The following KIF7 variants were observed in gnomAD, a reference collection of about 807,000 sequenced individuals.
The protein encoded by KIF7 is kinesin-like protein KIF7.
A neutral mutation model predicts 135.7 loss-of-function variants in KIF7; 104 were observed. That is an observed-to-expected ratio of 0.77 (90% confidence interval 0.65 to 0.90). KIF7 has a LOEUF of 0.90. KIF7 is among the 40% of genes least tolerant of loss of function. KIF7 has a pLI of 0.00. For synonymous variants in KIF7, 883 were observed against 809.4 expected, an observed-to-expected ratio of 1.09 and a Z score of -1.54; for missense variants, 2,005 against 1,839.1, an observed-to-expected ratio of 1.09 and a Z score of -1.65.
intron 1 of KIF7, among the ~76,000 whole-genome samples, chr15:89,653,394 G>A (rs879722630): frequency 6.6e-6 from 1 of 152,100 alleles, no homozygotes; most frequent in Non-Finnish European, 1.5e-5. Context: ...GATCCTTCAA[G>A]ACCAAGCTCT....
chr15:89,618,721 G>A (rs976021744), intron 1 of KIF7, among the ~76,000 whole-genome samples: 3 of 152,222 alleles, frequency 2.0e-5, no homozygotes, highest in Admixed American at 6.5e-5. Flanking sequence ...AGCACTTTGG[G>A]AAGCCAAGTG....
chr15:89,642,363 A>C lies in KIF7; in HGVS notation c.2234T>G (p.Ile745Ser). 6.2e-7 allele frequency: 1 copy of C among 1,609,718 alleles called. No homozygotes were observed. Among genetic ancestry groups the C allele is most frequent in the Non-Finnish European group, 8.5e-7 (1 of 1,178,772 alleles). ...QALNRQHSQR[I>S]RELEQEAEQV... ...CTCTGCCTCCTGCTCCAGCTCCCGG[A>C]TACGCTGGCTGTGCTGGCGGTTCAG... The change falls in exon 11 of 19, where the codon ATC (isoleucine) becomes AGC (serine). Residue 745 changes from isoleucine (I) to serine (S), a missense_variant. By Grantham distance (142) the Ile-to-Ser change is moderately radical. Coordinates refer to ENST00000394412, the MANE Select transcript of KIF7 (RefSeq NM_198525.3).
At position 89,631,506 on chromosome 15, in the gene KIF7, G is replaced by T; in HGVS notation, c.3100C>A (p.Leu1034Met). ...GGGCCGCAGGGTACCTCGGGGGACA[G>T]CAGACTCCCCTGCCTCAGCTTGCCG... ...IDGKLRQGSLLSPEEERTLFQ... is the reference protein window; with the variant it reads ...IDGKLRQGSLMSPEEERTLFQ... The change falls in exon 15 of 19, where the codon CTG (leucine) becomes ATG (methionine). Residue 1034 changes from leucine (L) to methionine (M), a missense_variant. Transcript: ENST00000394412. 1 of 1,575,790 alleles carries T rather than the reference G, an allele frequency of 6.3e-7. No individual in the cohort carries two copies. Among genetic ancestry groups the T allele is most frequent in the Non-Finnish European group, 8.6e-7 (1 of 1,160,540 alleles).
At chr15:89,630,838 G>A (rs116954620) in intron 15 of KIF7, 7 of 417,248 alleles carry the variant, frequency 1.7e-5, no homozygotes, top group Non-Finnish European at 2.3e-5. Flanking sequence ...ATGGGGATAC[G>A]TTCTAAGAAA....
chr15:89,649,410 A>C, intron 3 of KIF7, 43 bp from the exon 4 acceptor site: 2 of 1,443,632 alleles, frequency 1.4e-6, no homozygotes, highest in Non-Finnish European at 1.8e-6. Context: ...AGGGGCCGCC[A>C]GACTGACCAG....
intron 15 of KIF7, among the ~76,000 whole-genome samples, chr15:89,631,220 C>T (rs1032379306): frequency 6.6e-6 from 1 of 152,216 alleles, no homozygotes; most frequent in South Asian, 2.1e-4. Flanking sequence ...TGGGCAGGTA[C>T]TCGAATGCAG....
At chr15:89,635,793 C>T (rs1327898943) in intron 11 of KIF7, among the ~76,000 whole-genome samples, 2 of 152,162 alleles carry the variant, frequency 1.3e-5, no homozygotes, top group Non-Finnish European at 2.9e-5. Flanking sequence ...TCTAGCAAGG[C>T]AGGCCAACAT....
chr15:89,648,594 C>A lies in KIF7; in HGVS notation c.1104G>T (p.Thr368=). The A allele has an allele frequency of 1.9e-5, 29 of 1,526,604 alleles. No individual in the cohort carries two copies. Among genetic ancestry groups the A allele is most frequent in the Non-Finnish European group, 2.5e-5 (29 of 1,141,256 alleles). 94.6% of individuals were successfully genotyped at this position (1,526,604 alleles called of 1,614,324 possible). ...GTGGCGGACCCCGCGCGCCGCTCGC[C>A]GTCTCTTCGGGTGGCCGCTCGGCCT... is the stretch of plus-strand genomic sequence containing the variant. The part of the protein sequence containing the change: ...RPEAERPPEE[T]ASGARGPPRH... Residue 368 remains threonine, a synonymous_variant, in exon 5 of 19, where the codon ACG becomes ACT. Transcript: ENST00000394412.
downstream of KIF7, chr15:89,625,835 A>C (rs1313473440): frequency 6.4e-7 from 1 of 1,556,428 alleles, no homozygotes; most frequent in Non-Finnish European, 8.7e-7. Flanking sequence ...TTTTGGTCAG[A>C]GTGCTTGACA....
At chr15:89,630,676 G>T (rs1012822687) in intron 15 of KIF7, 183 bp from the exon 16 acceptor site, 4 of 658,054 alleles carry the variant, frequency 6.1e-6, no homozygotes, top group Non-Finnish European at 1.1e-5. Context: ...ACCCCAGGGT[G>T]AGCTGGGGGC....
At chr15:89,635,474 G>A (rs1431576933) in intron 11 of KIF7, among the ~76,000 whole-genome samples, 2 of 152,212 alleles carry the variant, frequency 1.3e-5, no homozygotes, top group Non-Finnish European at 2.9e-5. Flanking sequence ...ATACAGAGGA[G>A]TGCTTAAAGG....
At chr15:89,644,363 C>T (rs562165654) in intron 10 of KIF7, among the ~76,000 whole-genome samples, 1 of 152,200 alleles carries the variant, frequency 6.6e-6, no homozygotes, top group Admixed American at 6.5e-5. Context: ...ATGGCTGAAA[C>T]ATTGCAGGCA....
intron 1 of KIF7, among the ~76,000 whole-genome samples, chr15:89,619,221 C>CTT (rs386383750): frequency 0.025 from 2,788 of 111,864 alleles, 242 homozygotes; most frequent in African/African-American, 0.09. Flanking sequence ...CACCATTCTT[C>CTT]TTTTTTTTTT....
chr15:89,629,835 G>C (rs796940565), intron 16 of KIF7: 1 of 572,156 alleles, frequency 1.7e-6, no homozygotes, highest in South Asian at 2.1e-5. Flanking sequence ...TGGGCAGAGC[G>C]TCAAGTTGTG....
At chr15:89,656,393 A>G (rs986993884), upstream of KIF7, among the ~76,000 whole-genome samples, 2 of 151,722 alleles carry the variant, frequency 1.3e-5, no homozygotes, top group African/African-American at 4.9e-5. Context: ...TCAGACACAA[A>G]ACGTCCAGAG....
At chr15:89,654,899 C>T (rs1462716995) in intron 1 of KIF7, among the ~76,000 whole-genome samples, 1 of 152,272 alleles carries the variant, frequency 6.6e-6, no homozygotes, top group Non-Finnish European at 1.5e-5. Flanking sequence ...GTAAACTCTG[C>T]CTCGCAATAC....
the KIF7 span, among the ~76,000 whole-genome samples, chr15:89,662,074 T>G: frequency 1.3e-5 from 2 of 152,164 alleles, no homozygotes; most frequent in African/African-American, 4.8e-5. Context: ...TTTTATAAAT[T>G]TTGATTAAGT....
upstream of KIF7, among the ~76,000 whole-genome samples, chr15:89,659,149 A>G (rs928011089): frequency 1.3e-5 from 2 of 152,180 alleles, no homozygotes; most frequent in African/African-American, 2.4e-5. Context: ...GAATGAAAAC[A>G]AAAGCAACAA....
At chr15:89,651,530 G>A (rs1964124215) in intron 2 of KIF7, among the ~76,000 whole-genome samples, 1 of 152,154 alleles carries the variant, frequency 6.6e-6, no homozygotes, top group African/African-American at 2.4e-5. Flanking sequence ...CACTGTGCCT[G>A]GCCAATGATA....
Sources: allele counts gnomAD v4.1 joint callset (sites outside exome capture counted in the v4.1 genomes callset), GRCh38; gene constraint gnomAD v4.1.1; transcripts MANE v1.5; gene names NCBI Gene and HGNC (gene_info 2026-07-23, HGNC 2026-07-21).